The following NMNAT2 variants were observed in gnomAD, a reference collection of about 807,000 sequenced individuals.
The protein encoded by NMNAT2 is nicotinamide/nicotinic acid mononucleotide adenylyltransferase 2.
A neutral mutation model predicts 41.6 loss-of-function variants in NMNAT2; 11 were observed. The ratio of observed to expected loss-of-function variants is 0.26; its 90% CI spans 0.17 to 0.44. The LOEUF (loss-of-function observed/expected upper bound fraction) is 0.44, where lower values mean the gene tolerates loss of function less well. NMNAT2 is among the 20% of genes least tolerant of loss of function. The pLI is 1.00. For synonymous variants in NMNAT2, 148 were observed against 151.2 expected (o/e 0.98, Z 0.16); for missense variants, 288 against 407.7 (o/e 0.71, Z 2.53).
chr1:183,346,256 G>A (rs991122859), intron 1 of NMNAT2, among the ~76,000 whole-genome samples: 3 of 152,042 alleles, frequency 2.0e-5, no homozygotes, highest in Admixed American at 1.3e-4. Flanking sequence ...CTCACCTTCA[G>A]GGTCAACACA....
At chr1:183,276,272 G>C (rs906731185) in intron 8 of NMNAT2, among the ~76,000 whole-genome samples, 4 of 152,204 alleles carry the variant, frequency 2.6e-5, no homozygotes, top group African/African-American at 9.7e-5. Flanking sequence ...CTCCACCTCT[G>C]CTGTCACATC....
chr1:183,275,407 G>A (rs1661097901), intron 8 of NMNAT2, among the ~76,000 whole-genome samples: 1 of 151,992 alleles, frequency 6.6e-6, no homozygotes. Flanking sequence ...GCAGGGGACT[G>A]AGCAGTTGGC....
At chr1:183,391,942 A>G (rs747851926) in intron 1 of NMNAT2, among the ~76,000 whole-genome samples, 10 of 151,856 alleles carry the variant, frequency 6.6e-5, no homozygotes, top group East Asian at 3.9e-4. Flanking sequence ...CATCTCCCCA[A>G]TCCCCAAACA....
chr1:183,389,800 G>C (rs549333836), intron 1 of NMNAT2, among the ~76,000 whole-genome samples: 1 of 62,994 alleles, frequency 1.6e-5, no homozygotes, highest in Non-Finnish European at 3.3e-5. Context: ...AAGAAAGAAA[G>C]AAAGAAAGAA....
At position 183,370,144 on chromosome 1, in the gene NMNAT2, G is replaced by T. The variant is rs7517982; in HGVS notation, c.85+48039C>A. ...AGGGCTCCTCTGTCCAGGACCCAAG[G>T]GGGAGAAAAAGAGCCTGGGATGATT... On this transcript the variant is annotated intron_variant, in intron 1 of 10. Coordinates refer to ENST00000287713, the MANE Select transcript of NMNAT2 (RefSeq NM_015039.4). Among the ~76,000 whole-genome samples the T allele has an allele frequency of 9.5e-3, 1,438 of 151,320 alleles. 20 individuals are homozygous for T. The highest frequency in any genetic ancestry group is 0.033 in the African/African-American group (1,374 of 41,184).
intron 1 of NMNAT2, among the ~76,000 whole-genome samples, chr1:183,356,015 G>A (rs148124662): frequency 5.2e-4 from 79 of 152,336 alleles, no homozygotes; most frequent in African/African-American, 1.8e-3. Flanking sequence ...CTGTCACTCC[G>A]GAGGTGGGGC....
At chr1:183,290,054 G>C in intron 4 of NMNAT2, 74 bp downstream of exon 4, 1 of 1,224,650 alleles carries the variant, frequency 8.2e-7, no homozygotes, top group East Asian at 2.6e-5. Flanking sequence ...CTCCCTGCCT[G>C]GTTTCTGTGG....
chr1:183,302,526 C>T lies in NMNAT2; in HGVS notation c.86-8733G>A, dbSNP rs186710616. On this transcript the variant is annotated intron_variant, in intron 1 of 10. Transcript: ENST00000287713. ...GCTGACCCTTGAAGGGAGGAATTAT[C>T]CCTCTAGCCAATTCCTAGAGATAGC... 3.1e-3 allele frequency among the ~76,000 whole-genome samples: 466 copies of T among 152,264 alleles called. 1 individual carries two copies. Among genetic ancestry groups the T allele is most frequent in the Middle Eastern group, 0.01 (3 of 294 alleles).
At chr1:183,276,499 G>A (rs574257035) in intron 8 of NMNAT2, among the ~76,000 whole-genome samples, 4 of 152,282 alleles carry the variant, frequency 2.6e-5, no homozygotes, top group Admixed American at 2.0e-4. Flanking sequence ...AGAAGAGAGG[G>A]ATTGGCCTGC....
At chr1:183,286,596 T>C in intron 5 of NMNAT2, 66 bp downstream of exon 5, 1 of 1,400,582 alleles carries the variant, frequency 7.1e-7, no homozygotes, top group Non-Finnish European at 9.8e-7. Flanking sequence ...ATCCCAGTAG[T>C]CATTAATTTA....
At chr1:183,269,208 A>G (rs1275915509) in intron 8 of NMNAT2, among the ~76,000 whole-genome samples, 2 of 152,240 alleles carry the variant, frequency 1.3e-5, no homozygotes, top group African/African-American at 2.4e-5. Context: ...AGGATTCCCA[A>G]TGAGGCCACA....
chr1:183,291,969 TC>T (rs1404597637), intron 3 of NMNAT2, among the ~76,000 whole-genome samples: 1 of 152,164 alleles, frequency 6.6e-6, no homozygotes, highest in Non-Finnish European at 1.5e-5. Context: ...CTGCTCTCAT[TC>T]CCGCCCACCC....
intron 1 of NMNAT2, among the ~76,000 whole-genome samples, chr1:183,387,851 C>T (rs1006089244): frequency 1.3e-5 from 2 of 152,238 alleles, no homozygotes; most frequent in Admixed American, 6.5e-5. Context: ...AGGCTCAACA[C>T]TGGTGGCCTT....
intron 1 of NMNAT2, among the ~76,000 whole-genome samples, chr1:183,385,661 C>T (rs1173146403): frequency 6.6e-6 from 1 of 151,924 alleles, no homozygotes; most frequent in East Asian, 1.9e-4. Context: ...GTCCTCACTT[C>T]ATCACCTCAC....
At chr1:183,290,032 G>T in intron 4 of NMNAT2, 96 bp downstream of exon 4, 1 of 958,092 alleles carries the variant, frequency 1.0e-6, no homozygotes, top group Non-Finnish European at 1.6e-6. Context: ...TAGGCCAGCA[G>T]CACCCTCTCC....
chr1:183,255,128 G>A (rs1660483232), intron 10 of NMNAT2, among the ~76,000 whole-genome samples: 2 of 152,114 alleles, frequency 1.3e-5, no homozygotes, highest in African/African-American at 4.8e-5. Context: ...TCATTCTTTT[G>A]CCTGTAGAAA....
intron 1 of NMNAT2, among the ~76,000 whole-genome samples, chr1:183,387,602 G>A (rs191695400): frequency 1.6e-3 from 237 of 152,276 alleles, no homozygotes; most frequent in Non-Finnish European, 2.5e-3. Context: ...AACCTGGTGC[G>A]TTCAATGTTG....
chr1:183,317,111 T>G (rs561732992), intron 1 of NMNAT2, among the ~76,000 whole-genome samples: 1 of 152,238 alleles, frequency 6.6e-6, no homozygotes, highest in Admixed American at 6.5e-5. Context: ...TGTGTCAAAG[T>G]GGAGTAGACT....
At chr1:183,368,554 G>A (rs1231055139) in intron 1 of NMNAT2, among the ~76,000 whole-genome samples, 1 of 152,148 alleles carries the variant, frequency 6.6e-6, no homozygotes, top group East Asian at 1.9e-4. Context: ...GCTTACAAGG[G>A]TGCTAATTCT....
Sources: gnomAD v4.1 joint callset for allele counts (sites outside exome capture counted in the v4.1 genomes callset) on GRCh38, gnomAD v4.1.1 for gene constraint, MANE v1.5 for transcripts, NCBI Gene and HGNC (gene_info 2026-07-23, HGNC 2026-07-21) for gene names.